The following SCHIP1 variants were observed in gnomAD, a reference collection of about 807,000 sequenced individuals.
SCHIP1 encodes the protein schwannomin-interacting protein 1.
SCHIP1 carries 8 observed loss-of-function variants against 29.7 expected under a neutral mutation model. The ratio of observed to expected loss-of-function variants is 0.27; its 90% CI spans 0.16 to 0.49. The LOEUF is 0.49. Among genes scored for constraint, SCHIP1 ranks in the 20% least tolerant of loss-of-function variants. SCHIP1 has a pLI of 0.99. For synonymous variants in SCHIP1, 76 were observed against 94.9 expected (o/e 0.80, Z 1.16); for missense variants, 193 against 294.6 (o/e 0.66, Z 2.52).
At chr3:159,275,239 T>A in the SCHIP1 span, 1 of 318,192 alleles carries the variant, frequency 3.1e-6, no homozygotes, top group Non-Finnish European at 4.5e-6. Flanking sequence ...TCAGTTTTTT[T>A]AAGTTTCATT....
chr3:159,506,406 T>C, the SCHIP1 span, among the ~76,000 whole-genome samples: 11 of 152,338 alleles, frequency 7.2e-5, no homozygotes, highest in Middle Eastern at 6.8e-3. Context: ...TTTTCTCCCA[T>C]TCTGTAGGTT....
the SCHIP1 span, among the ~76,000 whole-genome samples, chr3:159,711,942 TTGCTGCTGCTGC>T: frequency 4.6e-5 from 7 of 151,414 alleles, no homozygotes; most frequent in South Asian, 1.3e-3. Flanking sequence ...TAGGAAGATA[TTGCTGCTGCTGC>T]TGCTGCTGCT....
chr3:159,806,825 G>C, the SCHIP1 span, among the ~76,000 whole-genome samples: 2 of 152,186 alleles, frequency 1.3e-5, no homozygotes, highest in African/African-American at 4.8e-5. Flanking sequence ...TCACAGAGGA[G>C]GAGAAAAATG....
chr3:159,817,982 A>C, the SCHIP1 span, among the ~76,000 whole-genome samples: 6 of 152,310 alleles, frequency 3.9e-5, no homozygotes, highest in South Asian at 8.3e-4. Context: ...TTATTTATCC[A>C]ATGGTGAGAC....
the SCHIP1 span, among the ~76,000 whole-genome samples, chr3:159,404,308 G>T: frequency 1.3e-5 from 2 of 152,134 alleles, no homozygotes. Flanking sequence ...AGGCCACAGT[G>T]GGGTAGAGGA....
chr3:159,540,937 G>C, the SCHIP1 span, among the ~76,000 whole-genome samples: 1 of 152,024 alleles, frequency 6.6e-6, no homozygotes, highest in Admixed American at 6.6e-5. Flanking sequence ...GAAAAAAAAT[G>C]TGTGTTCTCC....
chr3:159,552,249 T>C, the SCHIP1 span, among the ~76,000 whole-genome samples: 2 of 152,112 alleles, frequency 1.3e-5, no homozygotes, highest in African/African-American at 4.8e-5. Flanking sequence ...TTTCACTATG[T>C]TGGCCAGACT....
intron 1 of SCHIP1, among the ~76,000 whole-genome samples, chr3:159,841,638 A>T (rs1174087403): frequency 6.6e-6 from 1 of 152,250 alleles, no homozygotes; most frequent in Non-Finnish European, 1.5e-5. Flanking sequence ...TAGGTTGAAC[A>T]TAAAAGCATT....
At chr3:159,430,350 C>T in the SCHIP1 span, among the ~76,000 whole-genome samples, 1 of 152,082 alleles carries the variant, frequency 6.6e-6, no homozygotes, top group Admixed American at 6.6e-5. Context: ...ATGGAGTAAT[C>T]TACTTTTAAT....
chr3:159,765,592 C>T, the SCHIP1 span: 3 of 157,804 alleles, frequency 1.9e-5, no homozygotes, highest in African/African-American at 7.2e-5. Context: ...TAGGCTTGTT[C>T]CTATGCACAC....
the SCHIP1 span, among the ~76,000 whole-genome samples, chr3:159,481,234 T>C: frequency 3.9e-5 from 6 of 152,190 alleles, no homozygotes; most frequent in Non-Finnish European, 5.9e-5. Flanking sequence ...TCTGGAGATG[T>C]GGACCCAGCC....
At chr3:159,365,142 A>C in the SCHIP1 span, among the ~76,000 whole-genome samples, 1 of 152,180 alleles carries the variant, frequency 6.6e-6, no homozygotes, top group Non-Finnish European at 1.5e-5. Context: ...TGAAAAGAGA[A>C]GGAAGGATTG....
chr3:159,609,333 A>G, the SCHIP1 span, among the ~76,000 whole-genome samples: 1 of 152,204 alleles, frequency 6.6e-6, no homozygotes, highest in Admixed American at 6.5e-5. Context: ...TCCAGTGTTC[A>G]TAGGCCATGA....
the SCHIP1 span, among the ~76,000 whole-genome samples, chr3:159,745,658 A>T: frequency 6.6e-6 from 1 of 152,250 alleles, no homozygotes; most frequent in African/African-American, 2.4e-5. Flanking sequence ...TACACATTTT[A>T]AAATTGAATT....
chr3:159,619,529 C>T, the SCHIP1 span, among the ~76,000 whole-genome samples: 6 of 152,248 alleles, frequency 3.9e-5, no homozygotes, highest in Non-Finnish European at 7.3e-5. Flanking sequence ...AGAATCCTTT[C>T]AAACCTCAGC....
chr3:159,587,245 CTT>C, the SCHIP1 span, among the ~76,000 whole-genome samples: 17 of 152,138 alleles, frequency 1.1e-4, no homozygotes, highest in Admixed American at 8.5e-4. Flanking sequence ...ACTAGCAAGA[CTT>C]TTGAATTATG....
At chr3:159,398,081 C>T in the SCHIP1 span, among the ~76,000 whole-genome samples, 4 of 152,128 alleles carry the variant, frequency 2.6e-5, no homozygotes, top group Non-Finnish European at 4.4e-5. Flanking sequence ...GGGAGTGACC[C>T]GATTTTCCAG....
At chr3:159,745,926 T>A in the SCHIP1 span, among the ~76,000 whole-genome samples, 3 of 152,212 alleles carry the variant, frequency 2.0e-5, no homozygotes, top group Non-Finnish European at 1.5e-5. Context: ...CCTATGACTC[T>A]GATACAGGTT....
the SCHIP1 span, among the ~76,000 whole-genome samples, chr3:159,348,923 T>C: frequency 1.4e-4 from 21 of 152,298 alleles, no homozygotes; most frequent in Non-Finnish European, 2.5e-4. Context: ...CCATAAGGAA[T>C]GAGTATTCAG....
Sources: allele counts gnomAD v4.1 joint callset (sites outside exome capture counted in the v4.1 genomes callset), GRCh38; gene constraint gnomAD v4.1.1; transcripts MANE v1.5; gene names NCBI Gene and HGNC (gene_info 2026-07-23, HGNC 2026-07-21).